The following NRXN3 variants were observed in gnomAD, a reference collection of about 807,000 sequenced individuals.
The protein encoded by NRXN3 is neurexin 3.
NRXN3 carries 32 observed loss-of-function variants against 137.6 expected under a neutral mutation model. The observed-to-expected ratio is 0.23, with a 90% CI of 0.18 to 0.31. The LOEUF (loss-of-function observed/expected upper bound fraction) is 0.31, where lower values mean the gene tolerates loss of function less well. Among genes scored for constraint, NRXN3 ranks in the 10% least tolerant of loss-of-function variants. NRXN3 has a pLI of 1.00. For missense variants in NRXN3, 1,574 were observed against 2,062.5 expected (o/e 0.76, Z 4.59); for synonymous variants, 798 against 784.5 (o/e 1.02, Z -0.29).
At chr14:79,431,138 G>T (rs1419538973) in intron 15 of NRXN3, among the ~76,000 whole-genome samples, 1 of 151,934 alleles carries the variant, frequency 6.6e-6, no homozygotes, top group East Asian at 1.9e-4. Flanking sequence ...ACTAAAGAAG[G>T]TCATTAAAAA....
chr14:78,245,682 T>C (rs1354919777), intron 2 of NRXN3, among the ~76,000 whole-genome samples: 1 of 152,214 alleles, frequency 6.6e-6, no homozygotes, highest in East Asian at 1.9e-4. Flanking sequence ...TGCTGGAGAC[T>C]GGAACATATC....
intron 15 of NRXN3, among the ~76,000 whole-genome samples, chr14:79,391,590 T>C (rs2094846212): frequency 6.6e-6 from 1 of 152,186 alleles, no homozygotes; most frequent in African/African-American, 2.4e-5. Context: ...AGGGATGTCA[T>C]AAATATCGTA....
At position 78,968,348 on chromosome 14, in the gene NRXN3, T is replaced by C; in HGVS notation, c.3142+2T>C. 6.2e-7 allele frequency: 1 copy of C among 1,611,482 alleles called. No homozygotes were observed. Among genetic ancestry groups the C allele is most frequent in the Non-Finnish European group, 8.5e-7 (1 of 1,178,138 alleles). Reference sequence around the variant, plus strand: ...GACAGATCGAGCGTGGCTGTGAAGGTACAACCTATTTTTTTCTTGTTAAGC... The same window carrying C: ...GACAGATCGAGCGTGGCTGTGAAGGCACAACCTATTTTTTTCTTGTTAAGC... On this transcript the variant is annotated splice_donor_variant, in intron 14 of 20. Coordinates refer to ENST00000335750, the MANE Select transcript of NRXN3 (RefSeq NM_001330195.2). LOFTEE classifies it high-confidence loss of function.
chr14:79,295,576 C>G (rs1434602649), intron 15 of NRXN3, among the ~76,000 whole-genome samples: 1 of 152,082 alleles, frequency 6.6e-6, no homozygotes, highest in Non-Finnish European at 1.5e-5. Context: ...CATGGCTGGA[C>G]TCCCAGTACC....
intron 10 of NRXN3, among the ~76,000 whole-genome samples, chr14:78,920,099 C>T (rs1423557262): frequency 1.3e-5 from 2 of 152,186 alleles, no homozygotes; most frequent in African/African-American, 4.8e-5. Flanking sequence ...AAAACAACAA[C>T]GTTTACTTCT....
At chr14:79,402,995 G>A (rs1461033377) in intron 15 of NRXN3, among the ~76,000 whole-genome samples, 1 of 152,136 alleles carries the variant, frequency 6.6e-6, no homozygotes, top group East Asian at 1.9e-4. Context: ...ATAATTTGAG[G>A]ACTGTGGGAT....
intron 19 of NRXN3, among the ~76,000 whole-genome samples, chr14:79,701,251 T>TGTAA (rs1386166184): frequency 4.6e-5 from 7 of 152,116 alleles, no homozygotes; most frequent in African/African-American, 7.2e-5. Context: ...AGACAAGTCA[T>TGTAA]GTAAGTTCTA....
chr14:79,604,350 T>C (rs2097970306), intron 16 of NRXN3, among the ~76,000 whole-genome samples: 1 of 152,006 alleles, frequency 6.6e-6, no homozygotes, highest in Non-Finnish European at 1.5e-5. Flanking sequence ...TTCTCATGCC[T>C]TAGCCTCCCG....
intron 14 of NRXN3, among the ~76,000 whole-genome samples, chr14:78,981,356 C>G (rs560242473): frequency 3.9e-5 from 6 of 152,208 alleles, no homozygotes; most frequent in Non-Finnish European, 8.8e-5. Flanking sequence ...ATTCCCCACT[C>G]TGGCTTACAC....
intron 16 of NRXN3, among the ~76,000 whole-genome samples, chr14:79,511,226 T>A (rs960430055): frequency 1.3e-5 from 2 of 152,164 alleles, no homozygotes; most frequent in African/African-American, 2.4e-5. Context: ...AGAGATATGA[T>A]GTGAAAATTA....
rs150346655 is a variant in NRXN3 at position 79,571,893 on chromosome 14, A to G, written c.3445-91885A>G. Among the ~76,000 whole-genome samples, 967 of 152,204 alleles carry G rather than the reference A, an allele frequency of 6.4e-3. 12 individuals are homozygous for G. Among genetic ancestry groups the G allele is most frequent in the Middle Eastern group, 0.044 (13 of 294 alleles). On this transcript the variant is annotated intron_variant, in intron 16 of 20. Transcript: ENST00000335750. ...GTTTAATTTAACAAAAATATAGTCT[A>G]CTGTTCAGATGGTTACCACTCGGAG...
intron 15 of NRXN3, among the ~76,000 whole-genome samples, chr14:79,184,321 G>A (rs931546622): frequency 1.3e-5 from 2 of 152,212 alleles, no homozygotes; most frequent in East Asian, 3.8e-4. Flanking sequence ...GATGATTCAT[G>A]CTTATTGGTG....
intron 1 of NRXN3, among the ~76,000 whole-genome samples, chr14:78,187,380 G>C (rs1232310328): frequency 4.0e-5 from 6 of 151,600 alleles, no homozygotes; most frequent in Non-Finnish European, 8.8e-5. Flanking sequence ...CCTGCTTTTT[G>C]TTTACTAGTT....
chr14:79,137,224 C>A (rs1809386809), intron 15 of NRXN3, among the ~76,000 whole-genome samples: 1 of 152,180 alleles, frequency 6.6e-6, no homozygotes, highest in African/African-American at 2.4e-5. Context: ...TTCATGCCAT[C>A]TGTTATTTCT....
chr14:78,291,216 T>TCCTCA (rs1322661853), intron 3 of NRXN3, among the ~76,000 whole-genome samples: 1 of 152,148 alleles, frequency 6.6e-6, no homozygotes, highest in East Asian at 1.9e-4. Context: ...TGGTGCAGAG[T>TCCTCA]CCTCACTTCA....
At chr14:79,551,489 T>G (rs557001329) in intron 16 of NRXN3, among the ~76,000 whole-genome samples, 1 of 152,298 alleles carries the variant, frequency 6.6e-6, no homozygotes, top group East Asian at 1.9e-4. Context: ...TACTCTGTTG[T>G]CATTTCTCTG....
chr14:78,425,788 C>G (rs905983460), intron 4 of NRXN3, among the ~76,000 whole-genome samples: 2 of 152,144 alleles, frequency 1.3e-5, no homozygotes, highest in African/African-American at 4.8e-5. Flanking sequence ...TACCACAGTT[C>G]GTGGCATTTT....
chr14:78,517,001 C>T (rs1464845796), intron 4 of NRXN3, among the ~76,000 whole-genome samples: 2 of 152,110 alleles, frequency 1.3e-5, no homozygotes, highest in African/African-American at 4.8e-5. Flanking sequence ...TTGAATCCAT[C>T]TTTTGTTTAA....
At chr14:78,983,849 C>T (rs1384901189) in intron 14 of NRXN3, among the ~76,000 whole-genome samples, 2 of 134,468 alleles carry the variant, frequency 1.5e-5, no homozygotes, top group African/African-American at 6.0e-5. Context: ...GAGCAAGATT[C>T]CATTTAAAAA....
Sources: gnomAD v4.1 joint callset for allele counts (sites outside exome capture counted in the v4.1 genomes callset) on GRCh38, gnomAD v4.1.1 for gene constraint, MANE v1.5 for transcripts, NCBI Gene and HGNC (gene_info 2026-07-23, HGNC 2026-07-21) for gene names.